The following NELL1 variants were observed in gnomAD, a reference collection of about 807,000 sequenced individuals.
NELL1 encodes the protein protein kinase C-binding protein NELL1.
Under a neutral mutation model 107.4 loss-of-function variants are expected in NELL1, and 76 were observed. The observed-to-expected ratio is 0.71, with a 90% CI of 0.59 to 0.86. The LOEUF is 0.86. Ranked by LOEUF, NELL1 falls within the 40% of genes least tolerant of loss-of-function variation. The probability of loss-of-function intolerance (pLI) is 0.00; values close to 1 mark genes in which losing one functional copy is unlikely to be tolerated. For missense variants in NELL1, 1,024 were observed against 1,005.5 expected (o/e 1.02, Z -0.25); for synonymous variants, 353 against 341.2 (o/e 1.03, Z -0.38).
intron 16 of NELL1, among the ~76,000 whole-genome samples, chr11:21,538,048 A>G (rs2133975013): frequency 6.6e-6 from 1 of 152,278 alleles, no homozygotes; most frequent in Non-Finnish European, 1.5e-5. Context: ...ACATCTGAAT[A>G]AACCCTAAAT....
At chr11:20,869,353 T>C (rs897564799) in intron 4 of NELL1, among the ~76,000 whole-genome samples, 4 of 152,228 alleles carry the variant, frequency 2.6e-5, no homozygotes, top group Non-Finnish European at 4.4e-5. Context: ...TGGCATTTAC[T>C]TGAGTAATTC....
chr11:21,110,618 C>T (rs1855084363), intron 12 of NELL1, among the ~76,000 whole-genome samples: 1 of 152,110 alleles, frequency 6.6e-6, no homozygotes. Flanking sequence ...ACATTCATTG[C>T]AGTCAGCAGG....
chr11:21,231,866 T>G (rs1184230600), intron 14 of NELL1, among the ~76,000 whole-genome samples: 1 of 152,208 alleles, frequency 6.6e-6, no homozygotes, highest in Non-Finnish European at 1.5e-5. Context: ...TTGTGTTTTA[T>G]AAATGCTGCA....
intron 4 of NELL1, among the ~76,000 whole-genome samples, chr11:20,857,571 T>G (rs747627983): frequency 6.6e-6 from 1 of 152,170 alleles, no homozygotes. Context: ...GAGAAAGCAC[T>G]GAAGCAGCTG....
intron 17 of NELL1, among the ~76,000 whole-genome samples, chr11:21,567,751 G>C (rs1455434776): frequency 1.3e-5 from 2 of 151,826 alleles, no homozygotes; most frequent in African/African-American, 2.4e-5. Flanking sequence ...AGTCCATCAA[G>C]TTTTCAGATG....
At chr11:21,357,533 T>C (rs906412669) in intron 14 of NELL1, among the ~76,000 whole-genome samples, 8 of 152,178 alleles carry the variant, frequency 5.3e-5, no homozygotes, top group African/African-American at 1.9e-4. Context: ...TTTGAGTTCC[T>C]TGAAGAGTCT....
chr11:21,101,131 T>G (rs913592471), intron 12 of NELL1, among the ~76,000 whole-genome samples: 4 of 152,120 alleles, frequency 2.6e-5, no homozygotes, highest in Non-Finnish European at 5.9e-5. Flanking sequence ...GAATGATGGT[T>G]TCCAGCTTCA....
chr11:21,504,414 A>G (rs1418816976), intron 15 of NELL1, among the ~76,000 whole-genome samples: 2 of 152,156 alleles, frequency 1.3e-5, no homozygotes, highest in Non-Finnish European at 2.9e-5. Flanking sequence ...TAAACAGTGG[A>G]GGAGGAGTTG....
intron 18 of NELL1, among the ~76,000 whole-genome samples, chr11:21,572,182 A>G (rs1006941876): frequency 6.6e-6 from 1 of 151,864 alleles, no homozygotes; most frequent in African/African-American, 2.4e-5. Context: ...GAAGCTAATC[A>G]TCAGGCATCC....
intron 2 of NELL1, among the ~76,000 whole-genome samples, chr11:20,739,411 CA>C (rs200443176): frequency 0.045 from 2,404 of 53,654 alleles, 58 homozygotes; most frequent in African/African-American, 0.11. Flanking sequence ...AAATGCTCAA[CA>C]TTAAATGAAT....
At chr11:21,197,912 T>A (rs1857189096) in intron 13 of NELL1, among the ~76,000 whole-genome samples, 1 of 152,182 alleles carries the variant, frequency 6.6e-6, no homozygotes, top group African/African-American at 2.4e-5. Flanking sequence ...TGCTATGTAA[T>A]GACTACCTCA....
At chr11:21,015,860 C>T (rs1046405735) in intron 12 of NELL1, among the ~76,000 whole-genome samples, 1 of 152,068 alleles carries the variant, frequency 6.6e-6, no homozygotes, top group South Asian at 2.1e-4. Context: ...CCACAAGCCT[C>T]CTGCTAATCA....
At chr11:21,567,044 G>C (rs1333244256) in intron 17 of NELL1, among the ~76,000 whole-genome samples, 1 of 151,696 alleles carries the variant, frequency 6.6e-6, no homozygotes, top group Non-Finnish European at 1.5e-5. Context: ...CATTCTTATT[G>C]AGTCTCATAG....
chr11:20,778,705 A>G (rs564529770), intron 2 of NELL1, among the ~76,000 whole-genome samples: 1 of 152,222 alleles, frequency 6.6e-6, no homozygotes, highest in South Asian at 2.1e-4. Context: ...AATGTGAAAT[A>G]TTCACTTTAA....
chr11:21,161,944 CTTTTTTTTT>C (rs34422649), intron 13 of NELL1, among the ~76,000 whole-genome samples: 8 of 83,060 alleles, frequency 9.6e-5, no homozygotes, highest in African/African-American at 1.9e-4. Flanking sequence ...GGAACATAAT[CTTTTTTTTT>C]TTTTTTTTTT....
At chr11:21,046,129 T>C (rs1248936492) in intron 12 of NELL1, among the ~76,000 whole-genome samples, 1 of 152,174 alleles carries the variant, frequency 6.6e-6, no homozygotes, top group East Asian at 1.9e-4. Context: ...TGTTTTTAAG[T>C]CTCTGTAAGG....
intron 2 of NELL1, among the ~76,000 whole-genome samples, chr11:20,723,153 C>A (rs922756509): frequency 6.6e-6 from 1 of 152,118 alleles, no homozygotes. Context: ...TATCATTCTG[C>A]CCCTGGCCCC....
At chr11:21,443,990 C>G (rs1339806993) in intron 15 of NELL1, among the ~76,000 whole-genome samples, 2 of 152,010 alleles carry the variant, frequency 1.3e-5, no homozygotes, top group Non-Finnish European at 2.9e-5. Context: ...TTTCCACTAA[C>G]TAGAGATAAT....
chr11:21,380,337 C>A (rs1851580404), intron 15 of NELL1, among the ~76,000 whole-genome samples: 1 of 152,010 alleles, frequency 6.6e-6, no homozygotes, highest in South Asian at 2.1e-4. Flanking sequence ...TTTTAAAATT[C>A]TATTAAAGTC....
Sources: gnomAD v4.1 joint callset for allele counts (sites outside exome capture counted in the v4.1 genomes callset) on GRCh38, gnomAD v4.1.1 for gene constraint, MANE v1.5 for transcripts, NCBI Gene and HGNC (gene_info 2026-07-23, HGNC 2026-07-21) for gene names.